GPR137: variants seen among roughly 807,000 people sequenced by gnomAD.
The protein encoded by GPR137 is integral membrane protein GPR137.
In GPR137, 20 loss-of-function variants were observed where a neutral mutation model predicts 38.9. That is an observed-to-expected ratio of 0.51 (90% CI 0.36 to 0.75). The LOEUF is 0.75. Among genes scored for constraint, GPR137 ranks in the 30% least tolerant of loss-of-function variants. The pLI, the probability that GPR137 is intolerant of heterozygous loss-of-function variation, is 0.00. For synonymous variants in GPR137, 226 were observed against 235.8 expected, an observed-to-expected ratio of 0.96 and a Z score of 0.38; for missense variants, 456 against 526.4, an observed-to-expected ratio of 0.87 and a Z score of 1.31.
upstream of GPR137, among the ~76,000 whole-genome samples, chr11:64,283,652 G>A (rs1844669782): frequency 6.6e-6 from 1 of 152,222 alleles, no homozygotes; most frequent in South Asian, 2.1e-4. Flanking sequence ...GTAGCCTGGG[G>A]CAGGGCACCA....
upstream of GPR137, chr11:64,284,818 A>T: frequency 1.3e-6 from 2 of 1,527,474 alleles, no homozygotes; most frequent in South Asian, 1.2e-5. Context: ...GCCGGATCCA[A>T]GGCTCCTCGT....
chr11:64,284,153 C>T (rs778657393), upstream of GPR137: 7 of 1,541,994 alleles, frequency 4.5e-6, no homozygotes, highest in Non-Finnish European at 6.1e-6. Flanking sequence ...GTGAGGTGTC[C>T]CGGCAGGTGG....
chr11:64,273,418 G>C (rs917940978), upstream of GPR137, among the ~76,000 whole-genome samples: 2 of 152,082 alleles, frequency 1.3e-5, no homozygotes, highest in Non-Finnish European at 2.9e-5. Flanking sequence ...TGCTTTGTAG[G>C]CTGCAAGTGC....
chr11:64,288,240 CCTT>C lies in GPR137; in HGVS notation c.783+27_783+29del, dbSNP rs768323425. ...GTGGGCATACGCATGTCTGCCACCT[CCTT>C]AGTAGCCGTGGCACCTTGGCCCCAG... On this transcript the variant is annotated intron_variant, in intron 4 of 6. Coordinates refer to ENST00000438980, the MANE Select transcript of GPR137 (RefSeq NM_001170880.2). This position sits in a 1 kb window ranked among gnomAD's most constrained non-coding sequence, Gnocchi z 5.5. The C allele has an allele frequency of 2.5e-5, 41 of 1,610,482 alleles. No individual in the cohort carries two copies. The highest frequency in any genetic ancestry group is 3.3e-5 in the Non-Finnish European group (39 of 1,178,130).
upstream of GPR137, chr11:64,285,405 G>A (rs2033843426): frequency 3.0e-6 from 3 of 984,650 alleles, no homozygotes; most frequent in African/African-American, 1.7e-5. Context: ...GGGCGCGCCG[G>A]GGCGAGGGGC....
In GPR137 at chr11:64,288,075, T is replaced by C; in HGVS notation, c.644T>C (p.Val215Ala). The change falls in exon 4 of 7, where the codon GTG (valine) becomes GCG (alanine). Residue 215 changes from valine (V) to alanine (A), a missense_variant. Val to Ala is a moderately conservative substitution (Grantham distance 64). Coordinates refer to ENST00000438980, the MANE Select transcript of GPR137 (RefSeq NM_001170880.2). The surrounding 1 kb of genome is among the most constrained non-coding windows in gnomAD (Gnocchi z 5.5). Reference sequence around the variant, plus strand: ...TGTTACCTGTGCCAGGGGACCAGTGTGTGCCAGGCGGCCGCGATGGGTGGC... The same window carrying C: ...TGTTACCTGTGCCAGGGGACCAGTGCGTGCCAGGCGGCCGCGATGGGTGGC... Reference protein sequence around the residue: ...SIYLEAKGTSVCQAAAMGGAM... With the variant: ...SIYLEAKGTSACQAAAMGGAM... 3 of 1,610,766 alleles carry C rather than the reference T, an allele frequency of 1.9e-6. No individual in the cohort carries two copies. The highest frequency in any genetic ancestry group is 2.5e-6 in the Non-Finnish European group (3 of 1,179,934).
chr11:64,286,143 C>T lies in GPR137; in HGVS notation c.-382C>T. On this transcript the variant is annotated 5_prime_UTR_variant, in exon 1 of 7. Transcript: ENST00000438980. The stretch of plus-strand genomic sequence containing the variant: ...CTGCCCTGACCCGACGGGTATCAGC[C>T]GGCTCTCCCCCTCCACCCAGGACGA... The T allele has an allele frequency of 9.8e-7, 1 of 1,025,252 alleles. No homozygotes were observed. The highest frequency in any genetic ancestry group is 1.7e-5 in the African/African-American group (1 of 58,928). The allele number at this position is 1,025,252 out of a possible 1,614,324, so 63.5% of individuals were successfully genotyped here. A position where few individuals can be genotyped will look rare whatever the true frequency, so the allele number is the denominator to read the frequency against.
upstream of GPR137, chr11:64,284,682 A>T: frequency 2.0e-6 from 3 of 1,534,680 alleles, no homozygotes; most frequent in African/African-American, 1.4e-5. Flanking sequence ...TCCCTCCAGC[A>T]CCCCGGGCTC....
At chr11:64,284,499 T>C, upstream of GPR137, 1 of 1,574,206 alleles carries the variant, frequency 6.4e-7, no homozygotes, top group Non-Finnish European at 8.6e-7. Context: ...CCAGGCCTCC[T>C]GGGCCCTCAT....
chr11:64,272,934 A>T (rs1013337656), upstream of GPR137: 2 of 152,292 alleles, frequency 1.3e-5, no homozygotes, highest in Non-Finnish European at 2.9e-5. Context: ...AAAATGTGAA[A>T]GTGCTTTGTG....
upstream of GPR137, among the ~76,000 whole-genome samples, chr11:64,273,645 C>T (rs1167503578): frequency 3.4e-4 from 51 of 152,112 alleles, no homozygotes; most frequent in Non-Finnish European, 1.3e-4. Context: ...CTTTGGGAGG[C>T]CGAGGTTGGG....
upstream of GPR137, chr11:64,271,727 C>T (rs2032630409): frequency 5.5e-6 from 8 of 1,447,114 alleles, no homozygotes; most frequent in East Asian, 2.2e-4. Flanking sequence ...GGCTGGGCTC[C>T]TCCCCCATCC....
Position 64,288,817 on chromosome 11 carries a change from T to G in GPR137, c.1031+96T>G. On this transcript the variant is annotated intron_variant, in intron 6 of 6. Coordinates refer to ENST00000438980, the MANE Select transcript of GPR137 (RefSeq NM_001170880.2). This position sits in a 1 kb window ranked among gnomAD's most constrained non-coding sequence, Gnocchi z 5.5. ...GGGACCGAGATAGCCGGGTCTTGCC[T>G]TCCACCCCTGCCATGGCCTTTGCTT... 1 of 1,440,118 alleles carries G rather than the reference T, an allele frequency of 6.9e-7. No homozygotes were observed. Among genetic ancestry groups the G allele is most frequent in the East Asian group, 2.5e-5 (1 of 39,406 alleles). The allele number at this position is 1,440,118 out of a possible 1,614,324, so 89.2% of individuals were successfully genotyped here. A position where few individuals can be genotyped will look rare whatever the true frequency, so the allele number is the denominator to read the frequency against.
chr11:64,283,757 G>A (rs1047679717), upstream of GPR137, among the ~76,000 whole-genome samples: 2 of 152,178 alleles, frequency 1.3e-5, no homozygotes, highest in Non-Finnish European at 2.9e-5. Context: ...CTGCCTGCCT[G>A]TCACTGATTT....
upstream of GPR137, among the ~76,000 whole-genome samples, chr11:64,270,935 C>T (rs1334790477): frequency 1.3e-5 from 1 of 75,426 alleles, no homozygotes; most frequent in East Asian, 4.2e-4. Flanking sequence ...ACACACACGC[C>T]TGGAGTGGGA....
intron 2 of GPR137, 21 bp downstream of exon 2, chr11:64,287,035 T>C: frequency 6.2e-7 from 1 of 1,611,246 alleles, no homozygotes; most frequent in South Asian, 1.1e-5. Context: ...GGGACACTGG[T>C]GGGCTCAGCC....
At position 64,289,336 on chromosome 11, in the gene GPR137, T is replaced by A; in HGVS notation, c.*140T>A. 3.1e-6 allele frequency: 5 copies of A among 1,604,464 alleles called. No homozygotes were observed. Among genetic ancestry groups the A allele is most frequent in the Non-Finnish European group, 4.3e-6 (5 of 1,174,838 alleles). On this transcript the variant is annotated 3_prime_UTR_variant, in exon 7 of 7. Transcript: ENST00000438980. ...CCTCTGGCCGGCTCCTTGCTGCTCC[T>A]GTCATAGTGAGCTTGTGCCGTCCCC...
intron 2 of GPR137, chr11:64,276,746 G>GGGGAA: frequency 1.7e-6 from 1 of 587,652 alleles, no homozygotes; most frequent in Middle Eastern, 4.5e-4. Context: ...TCCCTTCTCT[G>GGGGAA]GGGAAGGGAA....
chr11:64,271,547 C>A, upstream of GPR137: 2 of 1,361,426 alleles, frequency 1.5e-6, no homozygotes, highest in Non-Finnish European at 9.5e-7. Flanking sequence ...TGGGACAAGG[C>A]AGGGACAGAC....
Sources: allele counts gnomAD v4.1 joint callset (sites outside exome capture counted in the v4.1 genomes callset), GRCh38; gene constraint gnomAD v4.1.1; non-coding constraint Gnocchi (gnomAD v3.1); transcripts MANE v1.5; gene names NCBI Gene and HGNC (gene_info 2026-07-23, HGNC 2026-07-21).